The following AAK1 variants were observed in gnomAD, a reference collection of about 807,000 sequenced individuals.
AAK1 encodes AP2-associated protein kinase 1.
AAK1 carries 37 observed loss-of-function variants against 116.0 expected under a neutral mutation model. The observed-to-expected ratio is 0.32, with a 90% confidence interval of 0.25 to 0.42. The LOEUF is 0.42. Among genes scored for constraint, AAK1 ranks in the 10% least tolerant of loss-of-function variants. The pLI, the probability that AAK1 is intolerant of heterozygous loss-of-function variation, is 1.00. For synonymous variants in AAK1, 458 were observed against 439.9 expected (o/e 1.04, Z -0.51); for missense variants, 919 against 1,170.6 (o/e 0.79, Z 3.14).
intron 2 of AAK1, among the ~76,000 whole-genome samples, chr2:69,614,059 GA>G (rs141206767): frequency 1.3e-5 from 2 of 152,130 alleles, no homozygotes; most frequent in Non-Finnish European, 2.9e-5. Context: ...TGTTAGTGTG[GA>G]AAAAACTTAG....
rs113538910 is a variant in AAK1 at position 69,474,253 on chromosome 2, T to G, written c.*1616A>C. The G allele has an allele frequency of 3.0e-3, 2,910 of 985,706 alleles. 62 individuals carry two copies. The African/African-American group carries it at 0.047, about 16-fold the overall frequency. The allele number at this position is 985,706 out of a possible 1,614,324, so 61.1% of individuals were successfully genotyped here. A position where few individuals can be genotyped will look rare whatever the true frequency, so the allele number is the denominator to read the frequency against. The stretch of plus-strand genomic sequence containing the variant: ...AGTACTAGATAGCAAAACAAGCAAA[T>G]GGACTTGGAATTTTATTTGTACAGA... On this transcript the variant is annotated 3_prime_UTR_variant, in exon 22 of 22. Transcript: ENST00000409085.
intron 2 of AAK1, among the ~76,000 whole-genome samples, chr2:69,572,264 T>A (rs191492066): frequency 7.9e-5 from 12 of 152,302 alleles, no homozygotes; most frequent in Admixed American, 7.8e-4. Flanking sequence ...AGCACAACAC[T>A]GTTACTGATC....
At chr2:69,513,323 T>TGC (rs1676460382) in intron 13 of AAK1, among the ~76,000 whole-genome samples, 2 of 150,386 alleles carry the variant, frequency 1.3e-5, no homozygotes, top group African/African-American at 4.8e-5. Context: ...GAAAGATGGT[T>TGC]TCTTTTTTTT....
At chr2:69,589,375 G>A (rs148475424) in intron 2 of AAK1, among the ~76,000 whole-genome samples, 5 of 152,296 alleles carry the variant, frequency 3.3e-5, no homozygotes, top group African/African-American at 1.2e-4. Flanking sequence ...CCTAGGGGCT[G>A]TGAACAGAAT....
At position 69,556,818 on chromosome 2, in the gene AAK1, G is replaced by C. The variant is rs750743175; in HGVS notation, c.282+42C>G. ...TTTCTTATGAGAGGGTACAATCTCT[G>C]CCTCCATTTTAAACAGTCCCAAGTC... On this transcript the variant is annotated intron_variant, in intron 3 of 21. Coordinates refer to ENST00000409085, the MANE Select transcript of AAK1 (RefSeq NM_014911.5). 8.1e-6 allele frequency: 12 copies of C among 1,479,198 alleles called. No individual in the cohort carries two copies. The East Asian group carries it at 2.7e-4, about 34-fold the overall frequency. The allele number at this position is 1,479,198 out of a possible 1,614,324, so 91.6% of individuals were successfully genotyped here.
chr2:69,533,708 T>C (rs1670350408), intron 5 of AAK1, among the ~76,000 whole-genome samples: 1 of 152,208 alleles, frequency 6.6e-6, no homozygotes, highest in Non-Finnish European at 1.5e-5. Context: ...AGAGAGGATA[T>C]ACTGGTGTAG....
chr2:69,473,228 C>A lies in AAK1; in HGVS notation c.*2641G>T. 1.1e-6 allele frequency: 1 copy of A among 911,006 alleles called. No homozygotes were observed. Among genetic ancestry groups the A allele is most frequent in the South Asian group, 5.1e-5 (1 of 19,700 alleles). The allele number at this position is 911,006 out of a possible 1,614,324, so 56.4% of individuals were successfully genotyped here. ...TGTCCTGCCCAGGCCTCTTCTCCCC[C>A]GACCCTGTTCAATCCAGCTCAGGTC... On this transcript the variant is annotated 3_prime_UTR_variant, in exon 22 of 22. Transcript: ENST00000409085.
At chr2:69,633,628 T>C (rs966839241) in intron 2 of AAK1, among the ~76,000 whole-genome samples, 13 of 150,598 alleles carry the variant, frequency 8.6e-5, no homozygotes, top group African/African-American at 3.2e-4. Flanking sequence ...CTCAGTAGTC[T>C]GTAGCCCAGA....
chr2:69,638,991 T>C (rs962224386), intron 2 of AAK1, among the ~76,000 whole-genome samples: 1 of 152,178 alleles, frequency 6.6e-6, no homozygotes, highest in East Asian at 1.9e-4. Context: ...CACCAACATA[T>C]TATGTGCCTT....
intron 8 of AAK1, among the ~76,000 whole-genome samples, chr2:69,529,702 AC>A (rs1670172398): frequency 6.6e-6 from 1 of 152,078 alleles, no homozygotes; most frequent in Non-Finnish European, 1.5e-5. Flanking sequence ...AGTCAGCTGG[AC>A]TCCTTTGGTA....
intron 15 of AAK1, among the ~76,000 whole-genome samples, chr2:69,505,989 G>C (rs1169372613): frequency 6.6e-6 from 1 of 152,156 alleles, no homozygotes; most frequent in Admixed American, 6.6e-5. Context: ...AATGCCTCCC[G>C]CCCTCACTTG....
chr2:69,538,605 G>A (rs1321823972), intron 5 of AAK1, among the ~76,000 whole-genome samples: 2 of 152,326 alleles, frequency 1.3e-5, no homozygotes, highest in East Asian at 1.9e-4. Context: ...AAGAGGGCTG[G>A]GCATGGTGGC....
Position 69,461,643 on chromosome 2 carries a change from G to A in AAK1, c.*14226C>T, listed in dbSNP as rs1335162362. On this transcript the variant is annotated 3_prime_UTR_variant, in exon 22 of 22. Coordinates refer to ENST00000409085, the MANE Select transcript of AAK1 (RefSeq NM_014911.5). Reference sequence around the variant, plus strand: ...GAGTTTTGCTCTTCTCGCCCAGGCTGGAGTGCAATGACACAATCTTGGCTC... The same window carrying A: ...GAGTTTTGCTCTTCTCGCCCAGGCTAGAGTGCAATGACACAATCTTGGCTC... 1 of 426,120 alleles carries A rather than the reference G, an allele frequency of 2.3e-6. No homozygotes were observed. Among genetic ancestry groups the A allele is most frequent in the Non-Finnish European group, 4.6e-6 (1 of 216,812 alleles). 26.4% of individuals were successfully genotyped at this position (426,120 alleles called of 1,614,324 possible).
intron 16 of AAK1, among the ~76,000 whole-genome samples, chr2:69,500,698 T>TATACACACACACACAC: frequency 6.1e-5 from 4 of 65,100 alleles, no homozygotes; most frequent in African/African-American, 3.2e-4. Flanking sequence ...TATATATATA[T>TATACACACACACACAC]ACACACACAC....
chr2:69,583,254 C>T (rs1672620791), intron 2 of AAK1, among the ~76,000 whole-genome samples: 1 of 152,180 alleles, frequency 6.6e-6, no homozygotes, highest in Non-Finnish European at 1.5e-5. Flanking sequence ...AAATAACCTC[C>T]GAAATTCTAT....
At chr2:69,607,932 CAT>C (rs964377665) in intron 2 of AAK1, among the ~76,000 whole-genome samples, 2 of 152,180 alleles carry the variant, frequency 1.3e-5, no homozygotes, top group African/African-American at 2.4e-5. Context: ...CAGGGGAACA[CAT>C]GTCTCCTGCC....
intron 13 of AAK1, 70 bp downstream of exon 13, chr2:69,514,401 C>A: frequency 6.9e-7 from 1 of 1,455,030 alleles, no homozygotes; most frequent in South Asian, 1.5e-5. Context: ...CCATCTTTCC[C>A]ACCCTTCCCC....
At chr2:69,509,186 CTT>C in intron 14 of AAK1, 43 bp downstream of exon 14, 3 of 1,567,392 alleles carry the variant, frequency 1.9e-6, no homozygotes, top group Non-Finnish European at 2.6e-6. Flanking sequence ...CGCAGGCAGA[CTT>C]TGCCCACAGA....
intron 2 of AAK1, among the ~76,000 whole-genome samples, chr2:69,564,920 C>A (rs1335856928): frequency 6.6e-6 from 1 of 152,150 alleles, no homozygotes; most frequent in Non-Finnish European, 1.5e-5. Context: ...GGTGTTCCTG[C>A]CTTTCCCTTC....
Sources: gnomAD v4.1 joint callset for allele counts (sites outside exome capture counted in the v4.1 genomes callset) on GRCh38, gnomAD v4.1.1 for gene constraint, MANE v1.5 for transcripts, NCBI Gene and HGNC (gene_info 2026-07-23, HGNC 2026-07-21) for gene names.